SHQ1: variants seen among roughly 807,000 people sequenced by gnomAD.
The protein encoded by SHQ1 is SHQ1, H/ACA ribonucleoprotein assembly factor, also known as protein SHQ1 homolog.
In SHQ1, 49 loss-of-function variants were observed where a neutral mutation model predicts 53.8. The observed-to-expected ratio is 0.91, with a 90% CI of 0.72 to 1.16. SHQ1 has a LOEUF of 1.16. Among genes scored for constraint, SHQ1 ranks in the 50% most tolerant of loss-of-function variants. The pLI is 0.00. For missense variants in SHQ1, 738 were observed against 683.1 expected, an observed-to-expected ratio of 1.08 and a Z score of -0.90; for synonymous variants, 243 against 251.0, an observed-to-expected ratio of 0.97 and a Z score of 0.30.
intron 9 of SHQ1, among the ~76,000 whole-genome samples, chr3:72,801,789 T>A (rs907230455): frequency 4.2e-4 from 64 of 152,266 alleles, no homozygotes; most frequent in African/African-American, 1.5e-3. Flanking sequence ...CATATAAGTT[T>A]AATTTATATG....
At chr3:72,798,157 A>G (rs987930433) in intron 9 of SHQ1, among the ~76,000 whole-genome samples, 2 of 152,190 alleles carry the variant, frequency 1.3e-5, no homozygotes, top group Non-Finnish European at 2.9e-5. Flanking sequence ...CAGGAAAGTG[A>G]CCATTTTTAG....
intron 1 of SHQ1, among the ~76,000 whole-genome samples, chr3:72,846,628 C>G (rs1559704805): frequency 6.6e-6 from 1 of 152,150 alleles, no homozygotes; most frequent in Non-Finnish European, 1.5e-5. Context: ...ATGCCCATCT[C>G]ACAGCACTCT....
downstream of SHQ1, among the ~76,000 whole-genome samples, chr3:72,747,490 C>T (rs1364769790): frequency 6.6e-6 from 1 of 152,198 alleles, no homozygotes; most frequent in African/African-American, 2.4e-5. Flanking sequence ...AGATCTACTG[C>T]TTTGAAAGAC....
intron 8 of SHQ1, chr3:72,814,577 G>A (rs114093203): frequency 1.3e-5 from 2 of 152,134 alleles, no homozygotes; most frequent in African/African-American, 4.8e-5. Context: ...ACAAAGTGAC[G>A]TCAATGAAAT....
intron 6 of SHQ1, among the ~76,000 whole-genome samples, chr3:72,819,248 C>T (rs1004105796): frequency 2.0e-5 from 3 of 152,144 alleles, no homozygotes; most frequent in Admixed American, 1.3e-4. Context: ...TGGATTTGCA[C>T]TCTTATGAGT....
chr3:72,839,865 A>T (rs1708112551), intron 4 of SHQ1, among the ~76,000 whole-genome samples: 1 of 151,834 alleles, frequency 6.6e-6, no homozygotes, highest in African/African-American at 2.4e-5. Context: ...GGTTCAAGGG[A>T]TTCTCCTGCC....
At chr3:72,779,819 T>G (rs1441396658) in intron 10 of SHQ1, among the ~76,000 whole-genome samples, 1 of 152,210 alleles carries the variant, frequency 6.6e-6, no homozygotes, top group Non-Finnish European at 1.5e-5. Context: ...TGAAATAGTA[T>G]GATTAACAGA....
chr3:72,841,586 G>A (rs1304050790), intron 3 of SHQ1, among the ~76,000 whole-genome samples: 1 of 152,178 alleles, frequency 6.6e-6, no homozygotes, highest in African/African-American at 2.4e-5. Context: ...GAAGAATACA[G>A]GATGGTATTC....
intron 9 of SHQ1, among the ~76,000 whole-genome samples, chr3:72,811,032 G>C (rs1006794042): frequency 7.9e-5 from 12 of 152,130 alleles, no homozygotes; most frequent in Non-Finnish European, 1.6e-4. Flanking sequence ...TACTAAAACT[G>C]GGTAATTGAT....
chr3:72,841,605 T>C (rs1216873210), intron 3 of SHQ1, among the ~76,000 whole-genome samples: 2 of 152,180 alleles, frequency 1.3e-5, no homozygotes, highest in Non-Finnish European at 2.9e-5. Flanking sequence ...TCTTCGGGTG[T>C]TGGAAATGCT....
At chr3:72,826,274 C>G (rs965546042) in intron 5 of SHQ1, among the ~76,000 whole-genome samples, 1 of 152,220 alleles carries the variant, frequency 6.6e-6, no homozygotes, top group African/African-American at 2.4e-5. Flanking sequence ...GCTTCATAAA[C>G]TAATCCTGCT....
intron 9 of SHQ1, among the ~76,000 whole-genome samples, chr3:72,802,522 C>T (rs1559679338): frequency 6.6e-6 from 1 of 152,190 alleles, no homozygotes; most frequent in Non-Finnish European, 1.5e-5. Flanking sequence ...CTACCTTTAT[C>T]CTACCATTCC....
chr3:72,793,007 C>G lies in SHQ1; in HGVS notation c.1090G>C (p.Asp364His). Reference protein sequence around the residue: ...GKSAVLKCLLDIHKIFQENDP... With the variant: ...GKSAVLKCLLHIHKIFQENDP... ...TTTTCCTGAAAAATTTTGTGAATAT[C>G]CAGGAGACACTTTAAAACTGCACTT... Residue 364 changes from aspartate to histidine, a missense_variant, in exon 10 of 11, where the codon GAT becomes CAT. Transcript: ENST00000325599. 1.2e-6 allele frequency: 2 copies of G among 1,610,464 alleles called. No individual in the cohort carries two copies. The highest frequency in any genetic ancestry group is 1.1e-5 in the South Asian group (1 of 90,630).
chr3:72,747,667 G>T (rs1265760105), downstream of SHQ1, among the ~76,000 whole-genome samples: 1 of 152,122 alleles, frequency 6.6e-6, no homozygotes, highest in Admixed American at 6.6e-5. Context: ...AGAGAGAGAG[G>T]AGAGCCCTCT....
intron 10 of SHQ1, among the ~76,000 whole-genome samples, chr3:72,766,436 C>T (rs1310012496): frequency 6.6e-6 from 1 of 152,092 alleles, no homozygotes; most frequent in Non-Finnish European, 1.5e-5. Context: ...TGCCTGAGCC[C>T]GACCCTGAAC....
At chr3:72,781,053 C>CTT (rs1289843504) in intron 10 of SHQ1, among the ~76,000 whole-genome samples, 5 of 141,646 alleles carry the variant, frequency 3.5e-5, no homozygotes, top group South Asian at 2.3e-4. Flanking sequence ...ATTTTCTTCT[C>CTT]TTTTTTTTTT....
intron 10 of SHQ1, among the ~76,000 whole-genome samples, chr3:72,766,679 A>G (rs1036163527): frequency 3.3e-5 from 5 of 152,192 alleles, no homozygotes; most frequent in African/African-American, 4.8e-5. Flanking sequence ...CCAGGCAAAC[A>G]AGGAGGAAAG....
At chr3:72,753,024 A>G (rs556336238) in intron 10 of SHQ1, 568 of 985,268 alleles carry the variant, frequency 5.8e-4, no homozygotes, top group Non-Finnish European at 6.6e-4. Context: ...TCGAGTAAAT[A>G]AACTTTTCCA....
Position 72,750,410 on chromosome 3 carries a change from C to T in SHQ1, c.1608G>A (p.Gly536=). The change falls in exon 11 of 11, where the codon GGG becomes GGA. Residue 536 remains glycine, a synonymous_variant. Transcript: ENST00000325599. Reference sequence around the variant, plus strand: ...GTTCCCCAAGCTCCTCTATCAGAGGCCCAGACACTCCAAGAGGCCAGGAAG... The same window carrying T: ...GTTCCCCAAGCTCCTCTATCAGAGGTCCAGACACTCCAAGAGGCCAGGAAG... ...LASSWPLGVS[G]PLIEELGEQL... 1 of 1,614,160 alleles carries T rather than the reference C, an allele frequency of 6.2e-7. No individual in the cohort carries two copies. The highest frequency in any genetic ancestry group is 8.5e-7 in the Non-Finnish European group (1 of 1,180,032).
Sources: gnomAD v4.1 joint callset for allele counts (sites outside exome capture counted in the v4.1 genomes callset) on GRCh38, gnomAD v4.1.1 for gene constraint, MANE v1.5 for transcripts, NCBI Gene and HGNC (gene_info 2026-07-23, HGNC 2026-07-21) for gene names.